The following TOLLIP variants were observed in gnomAD, a reference collection of about 807,000 sequenced individuals.
The protein encoded by TOLLIP is toll-interacting protein.
Under a neutral mutation model 33.5 loss-of-function variants are expected in TOLLIP, and 16 were observed. The ratio of observed to expected loss-of-function variants is 0.48; its 90% CI spans 0.32 to 0.72. The LOEUF is 0.72. Ranked by LOEUF, TOLLIP falls within the 30% of genes least tolerant of loss-of-function variation. TOLLIP has a pLI of 0.03. For missense variants in TOLLIP, 325 were observed against 396.6 expected (o/e 0.82, Z 1.53); for synonymous variants, 176 against 163.7 (o/e 1.07, Z -0.57).
At position 1,276,927 on chromosome 11, in the gene TOLLIP, G is replaced by C; in HGVS notation, c.*112C>G. 1.3e-6 allele frequency: 2 copies of C among 1,575,362 alleles called. No homozygotes were observed. Among genetic ancestry groups the C allele is most frequent in the South Asian group, 1.2e-5 (1 of 86,764 alleles). ...CGGGGCGGCACAGAAGTCCACGGGAGGGGGCGACACGGGTGCTCTTTCACG... is the reference window on the plus strand; with the variant it reads ...CGGGGCGGCACAGAAGTCCACGGGACGGGGCGACACGGGTGCTCTTTCACG... On this transcript the variant is annotated 3_prime_UTR_variant, in exon 6 of 6. Transcript: ENST00000317204.
chr11:1,289,604 C>T (rs988232590), intron 3 of TOLLIP, among the ~76,000 whole-genome samples: 2 of 151,040 alleles, frequency 1.3e-5, no homozygotes, highest in Non-Finnish European at 3.0e-5. Context: ...ACCCTGTGCG[C>T]CCAGCGGGGC....
chr11:1,298,885 G>A (rs1283056079), intron 1 of TOLLIP, among the ~76,000 whole-genome samples: 1 of 152,182 alleles, frequency 6.6e-6, no homozygotes, highest in African/African-American at 2.4e-5. Flanking sequence ...CCAGTCAGTC[G>A]TCCTCAAACC....
chr11:1,295,859 G>A, intron 1 of TOLLIP, 65 bp from the exon 2 acceptor site: 1 of 1,485,376 alleles, frequency 6.7e-7, no homozygotes, highest in Non-Finnish European at 9.0e-7. Context: ...CCCGACAGCA[G>A]CTGCCCCCGG....
chr11:1,304,466 C>T (rs533133429), intron 1 of TOLLIP, among the ~76,000 whole-genome samples: 3 of 152,320 alleles, frequency 2.0e-5, no homozygotes, highest in East Asian at 1.9e-4. Context: ...AGCGCTGACT[C>T]GAGAGAAGTA....
At chr11:1,282,274 C>T (rs753866833) in intron 5 of TOLLIP, among the ~76,000 whole-genome samples, 1 of 151,936 alleles carries the variant, frequency 6.6e-6, no homozygotes, top group Non-Finnish European at 1.5e-5. Flanking sequence ...TCCCTCTGGC[C>T]AAATCTGGAA....
chr11:1,292,289 T>C (rs192193034), intron 2 of TOLLIP: 71 of 152,370 alleles, frequency 4.7e-4, no homozygotes, highest in African/African-American at 1.5e-3. Context: ...GAGACCAGCA[T>C]GATTTTCCAA....
chr11:1,280,861 G>A (rs1280366558), intron 5 of TOLLIP, among the ~76,000 whole-genome samples: 1 of 152,204 alleles, frequency 6.6e-6, no homozygotes, highest in East Asian at 1.9e-4. Flanking sequence ...CAGCCCGAGT[G>A]CCCCTCTGTG....
Position 1,305,723 on chromosome 11 carries a change from G to C in TOLLIP, c.33+3743C>G, listed in dbSNP as rs1356419478. ...GGAACAGGCCTCTCAGGGAGGAAGG[G>C]AGGGGCCAGGCCGCCTCCAGCTGGA... is the stretch of plus-strand genomic sequence containing the variant. On this transcript the variant is annotated intron_variant, in intron 1 of 5. Coordinates refer to ENST00000317204, the MANE Select transcript of TOLLIP (RefSeq NM_019009.4). The C allele has an allele frequency of 6.6e-5, 10 of 152,294 alleles. 1 individual carries two copies. Among genetic ancestry groups the C allele is most frequent in the Non-Finnish European group, 8.8e-5 (6 of 68,088 alleles). 9.4% of individuals were successfully genotyped at this position (152,294 alleles called of 1,614,324 possible). A position where few individuals can be genotyped will look rare whatever the true frequency, so the allele number is the denominator to read the frequency against.
intron 1 of TOLLIP, 140 bp downstream of exon 1, chr11:1,309,326 C>G: frequency 2.5e-6 from 1 of 406,234 alleles, no homozygotes; most frequent in Non-Finnish European, 3.9e-6. Context: ...CGCTCCCCTC[C>G]GGCCGGCCAG....
At chr11:1,284,668 A>G (rs1863628158) in intron 5 of TOLLIP, among the ~76,000 whole-genome samples, 1 of 152,074 alleles carries the variant, frequency 6.6e-6, no homozygotes, top group Non-Finnish European at 1.5e-5. Flanking sequence ...TGGTTTTCTA[A>G]GACACTGGAC....
chr11:1,281,019 G>A (rs527327416), intron 5 of TOLLIP, among the ~76,000 whole-genome samples: 4 of 152,232 alleles, frequency 2.6e-5, no homozygotes, highest in African/African-American at 7.2e-5. Context: ...CTGCAGCTCC[G>A]TGGAAGAGAA....
At chr11:1,299,405 G>A (rs1330400434) in intron 1 of TOLLIP, among the ~76,000 whole-genome samples, 2 of 152,294 alleles carry the variant, frequency 1.3e-5, no homozygotes, top group Middle Eastern at 3.4e-3. Context: ...CATGCTTCAC[G>A]AGTCACAGGG....
chr11:1,289,889 G>T (rs190607240), intron 3 of TOLLIP, among the ~76,000 whole-genome samples: 1 of 140,954 alleles, frequency 7.1e-6, no homozygotes. Context: ...AGTGCCCAGC[G>T]GAGGGGACAC....
chr11:1,275,506 G>A lies in TOLLIP; in HGVS notation c.*1533C>T, dbSNP rs1036680963. On this transcript the variant is annotated 3_prime_UTR_variant, in exon 6 of 6. Transcript: ENST00000317204. Reference sequence around the variant, plus strand: ...GACAGGGAATCCCAGGGGCCCCTCCGTCTGAGTGGTCGGCGTCTGCTGAAC... The same window carrying A: ...GACAGGGAATCCCAGGGGCCCCTCCATCTGAGTGGTCGGCGTCTGCTGAAC... 1.3e-5 allele frequency: 2 copies of A among 152,172 alleles called. No homozygotes were observed. The highest frequency in any genetic ancestry group is 4.8e-5 in the African/African-American group (2 of 41,426). The allele number at this position is 152,172 out of a possible 1,614,324, so 9.4% of individuals were successfully genotyped here. A position where few individuals can be genotyped will look rare whatever the true frequency, so the allele number is the denominator to read the frequency against.
intron 4 of TOLLIP, among the ~76,000 whole-genome samples, chr11:1,286,299 CAGG>C (rs1863690513): frequency 6.6e-6 from 1 of 152,194 alleles, no homozygotes; most frequent in Non-Finnish European, 1.5e-5. Context: ...TCCTCAAATC[CAGG>C]AGGTGACATG....
chr11:1,283,529 G>A (rs1489731050), intron 5 of TOLLIP: 2 of 456,070 alleles, frequency 4.4e-6, no homozygotes, highest in Non-Finnish European at 8.8e-6. Flanking sequence ...CACAGGCTCT[G>A]GCAGATGTTC....
At chr11:1,309,404 C>A in intron 1 of TOLLIP, 62 bp downstream of exon 1, 1 of 1,047,952 alleles carries the variant, frequency 9.5e-7, no homozygotes, top group South Asian at 3.1e-5. Context: ...TAGCCCTGAC[C>A]CAAGGCCCCG....
chr11:1,304,474 G>A (rs1864370155), intron 1 of TOLLIP, among the ~76,000 whole-genome samples: 1 of 152,250 alleles, frequency 6.6e-6, no homozygotes, highest in Non-Finnish European at 1.5e-5. Context: ...CTCGAGAGAA[G>A]TAACACATTC....
chr11:1,309,508 G>A lies in TOLLIP; in HGVS notation c.-10C>T. The A allele has an allele frequency of 7.6e-7, 1 of 1,307,308 alleles. No homozygotes were observed. The allele number at this position is 1,307,308 out of a possible 1,614,324, so 81.0% of individuals were successfully genotyped here. On this transcript the variant is annotated 5_prime_UTR_variant, in exon 1 of 6. Transcript: ENST00000317204. ...TGACGGTGGTCGCCATGGTGCTGCGGCGGCCCCCGTGGCTCGCCGACCCGA... is the reference window on the plus strand; with the variant it reads ...TGACGGTGGTCGCCATGGTGCTGCGACGGCCCCCGTGGCTCGCCGACCCGA...
Sources: allele counts gnomAD v4.1 joint callset (sites outside exome capture counted in the v4.1 genomes callset), GRCh38; gene constraint gnomAD v4.1.1; transcripts MANE v1.5; gene names NCBI Gene and HGNC (gene_info 2026-07-23, HGNC 2026-07-21).